The following LOC400499 variants were observed in gnomAD, a reference collection of about 807,000 sequenced individuals.
At chr16:11,390,010 C>A in the LOC400499 span, 1 of 805,832 alleles carries the variant, frequency 1.2e-6, no homozygotes, top group African/African-American at 1.8e-5. Flanking sequence ...AGGGTGGTCA[C>A]AGGAGTCAGT....
At chr16:11,506,599 C>A in the LOC400499 span, among the ~76,000 whole-genome samples, 1 of 152,174 alleles carries the variant, frequency 6.6e-6, no homozygotes, top group African/African-American at 2.4e-5. Context: ...TGTCCCCTCC[C>A]AACCCCACTG....
At chr16:11,425,450 A>C in the LOC400499 span, 1 of 399,182 alleles carries the variant, frequency 2.5e-6, no homozygotes, top group Non-Finnish European at 4.4e-6. Context: ...AGAATGGTGG[A>C]GAAGAACAGA....
the LOC400499 span, chr16:11,398,401 A>T: frequency 8.1e-7 from 1 of 1,232,162 alleles, no homozygotes; most frequent in Non-Finnish European, 1.0e-6. Flanking sequence ...CAGCGTGCAT[A>T]GTCAGTCTGT....
At chr16:11,381,119 T>A in the LOC400499 span, 21 of 152,228 alleles carry the variant, frequency 1.4e-4, no homozygotes, top group African/African-American at 5.1e-4. Context: ...CGATGCTTTA[T>A]GCTGCTGAGT....
the LOC400499 span, among the ~76,000 whole-genome samples, chr16:11,387,954 G>T: frequency 6.6e-6 from 1 of 152,122 alleles, no homozygotes. Context: ...ACAGTTTAGG[G>T]GAGGACTGGA....
At chr16:11,446,496 A>T in the LOC400499 span, 16 of 1,484,862 alleles carry the variant, frequency 1.1e-5, no homozygotes, top group South Asian at 2.4e-5. Flanking sequence ...CGATGACAGC[A>T]ACTTGAACCA....
the LOC400499 span, among the ~76,000 whole-genome samples, chr16:11,421,805 T>C: frequency 6.6e-6 from 1 of 152,200 alleles, no homozygotes; most frequent in African/African-American, 2.4e-5. Context: ...AATGTACTGA[T>C]GGGTATGGGG....
the LOC400499 span, among the ~76,000 whole-genome samples, chr16:11,426,944 T>C: frequency 6.7e-6 from 1 of 149,298 alleles, no homozygotes; most frequent in East Asian, 2.0e-4. Context: ...GAAAATATCC[T>C]ATTCTAGAAT....
At chr16:11,443,586 ACTC>A in the LOC400499 span, 1 of 307,404 alleles carries the variant, frequency 3.3e-6, no homozygotes, top group South Asian at 2.7e-5. Flanking sequence ...CAGAGTATCA[ACTC>A]CTCCTAGAGG....
chr16:11,506,976 AC>A, the LOC400499 span, among the ~76,000 whole-genome samples: 1 of 152,178 alleles, frequency 6.6e-6, no homozygotes, highest in Non-Finnish European at 1.5e-5. Context: ...GGGGACCTCC[AC>A]GGTGGCAGTA....
the LOC400499 span, among the ~76,000 whole-genome samples, chr16:11,524,694 A>C: frequency 3.3e-5 from 5 of 151,948 alleles, no homozygotes; most frequent in African/African-American, 1.2e-4. Flanking sequence ...GCTGCTAAGA[A>C]AACTGCCAGA....
chr16:11,425,498 G>A, the LOC400499 span: 4 of 398,732 alleles, frequency 1.0e-5, no homozygotes, highest in Non-Finnish European at 1.8e-5. Context: ...CTTTGGAGAG[G>A]AGGGAAAAGA....
chr16:11,418,437 C>A, the LOC400499 span, among the ~76,000 whole-genome samples: 1 of 152,190 alleles, frequency 6.6e-6, no homozygotes, highest in Non-Finnish European at 1.5e-5. Flanking sequence ...AAGAAGGTGA[C>A]AAGAGTGACC....
the LOC400499 span, among the ~76,000 whole-genome samples, chr16:11,386,365 G>A: frequency 6.6e-6 from 1 of 152,250 alleles, no homozygotes; most frequent in Non-Finnish European, 1.5e-5. Flanking sequence ...GTGGGCAGCT[G>A]TCAGAACTGA....
the LOC400499 span, among the ~76,000 whole-genome samples, chr16:11,486,118 G>A: frequency 6.6e-6 from 1 of 150,912 alleles, no homozygotes; most frequent in Non-Finnish European, 1.5e-5. Flanking sequence ...ATGATACATG[G>A]GTAGACAGAT....
the LOC400499 span, among the ~76,000 whole-genome samples, chr16:11,507,628 C>T: frequency 3.3e-5 from 5 of 152,190 alleles, no homozygotes; most frequent in African/African-American, 1.2e-4. Context: ...ACACTAAGTG[C>T]TCAATTAAAC....
chr16:11,478,637 C>G, the LOC400499 span: 1 of 399,162 alleles, frequency 2.5e-6, no homozygotes, highest in Non-Finnish European at 4.4e-6. Flanking sequence ...AGCAACTTCA[C>G]GCTCAGCTCG....
chr16:11,390,275 T>G, the LOC400499 span: 2 of 1,232,534 alleles, frequency 1.6e-6, no homozygotes, highest in African/African-American at 1.6e-5. Flanking sequence ...CCTTGCTCAC[T>G]CACCAGCTCC....
At chr16:11,442,427 T>G in the LOC400499 span, 1 of 152,304 alleles carries the variant, frequency 6.6e-6, no homozygotes, top group Middle Eastern at 3.4e-3. Flanking sequence ...TTCACCATGT[T>G]GGTCAGGCTG....
Sources: allele counts gnomAD v4.1 joint callset (sites outside exome capture counted in the v4.1 genomes callset), GRCh38; gene constraint gnomAD v4.1.1; transcripts MANE v1.5.